RBM47: variants seen among roughly 807,000 people sequenced by gnomAD.
RBM47 encodes RNA-binding protein 47.
A neutral mutation model predicts 47.1 loss-of-function variants in RBM47; 21 were observed. That is an observed-to-expected ratio of 0.45 (90% confidence interval 0.32 to 0.64). The LOEUF (loss-of-function observed/expected upper bound fraction) is 0.64, where lower values mean the gene tolerates loss of function less well. Among genes scored for constraint, RBM47 ranks in the 30% least tolerant of loss-of-function variants. The pLI, the probability that RBM47 is intolerant of heterozygous loss-of-function variation, is 0.05. For synonymous variants in RBM47, 375 were observed against 361.7 expected, an observed-to-expected ratio of 1.04 and a Z score of -0.42; for missense variants, 708 against 870.9, an observed-to-expected ratio of 0.81 and a Z score of 2.35.
At chr4:40,571,849 T>C (rs866473597) in intron 1 of RBM47, among the ~76,000 whole-genome samples, 2 of 150,794 alleles carry the variant, frequency 1.3e-5, no homozygotes, top group African/African-American at 4.9e-5. Flanking sequence ...TGAAACCCCA[T>C]CTCTACTAAA....
intron 2 of RBM47, among the ~76,000 whole-genome samples, chr4:40,467,587 G>A (rs1030631922): frequency 7.2e-5 from 11 of 152,040 alleles, no homozygotes; most frequent in African/African-American, 1.9e-4. Flanking sequence ...CACTGTACTC[G>A]GCAGAGTCAA....
At chr4:40,469,804 T>G (rs900325532) in intron 2 of RBM47, among the ~76,000 whole-genome samples, 1 of 152,048 alleles carries the variant, frequency 6.6e-6, no homozygotes, top group South Asian at 2.1e-4. Context: ...CGTGAGACAT[T>G]TTGTATTTTT....
intron 2 of RBM47, chr4:40,542,401 C>T (rs1376659227): frequency 6.6e-6 from 1 of 152,364 alleles, no homozygotes; most frequent in African/African-American, 2.4e-5. Context: ...TGTCTCCAAT[C>T]CCCCTCTGCC....
At chr4:40,430,682 C>A (rs1715840415) in intron 6 of RBM47, among the ~76,000 whole-genome samples, 1 of 152,214 alleles carries the variant, frequency 6.6e-6, no homozygotes, top group African/African-American at 2.4e-5. Context: ...TGGAGGGTCA[C>A]AGGCCTGGCT....
At chr4:40,624,095 G>T (rs1560511847) in intron 1 of RBM47, among the ~76,000 whole-genome samples, 1 of 152,164 alleles carries the variant, frequency 6.6e-6, no homozygotes, top group Non-Finnish European at 1.5e-5. Context: ...CAAGTGATCT[G>T]CATGCCTTGG....
Position 40,498,054 on chromosome 4 carries a change from T to TTATATATATATATATATATATATATATA in RBM47, c.-154-31356_-154-31355insTATATATATATATATATATATATATATA, listed in dbSNP as rs6148409. Among the ~76,000 whole-genome samples, 822 of 109,374 alleles carry TTATATATATATATATATATATATATATA rather than the reference T, an allele frequency of 7.5e-3. 29 individuals carry two copies. The highest frequency in any genetic ancestry group is 0.011 in the Non-Finnish European group (558 of 49,320). 71.8% of individuals were successfully genotyped at this position (109,374 alleles called of 152,430 possible). On this transcript the variant is annotated intron_variant, in intron 2 of 6. Transcript: ENST00000295971. Reference sequence around the variant, plus strand: ...TGCAAATAAAATGTAAGTGCTTGTTTTATATATATATATATATATATATAT... The same window carrying TTATATATATATATATATATATATATATA: ...TGCAAATAAAATGTAAGTGCTTGTTTTATATATATATATATATATATATATATATATATATATATATATATATATATAT...
At chr4:40,502,072 T>A in intron 2 of RBM47, 1 of 154,440 alleles carries the variant, frequency 6.5e-6, no homozygotes, top group Middle Eastern at 5.2e-4. Context: ...TCCATCCATG[T>A]AGACTTGAAC....
At chr4:40,449,532 T>G (rs1715078830) in intron 3 of RBM47, among the ~76,000 whole-genome samples, 2 of 152,196 alleles carry the variant, frequency 1.3e-5, no homozygotes, top group South Asian at 4.1e-4. Flanking sequence ...AACACACACC[T>G]GAGAATGCGG....
chr4:40,581,835 G>A (rs925219361), intron 1 of RBM47, among the ~76,000 whole-genome samples: 1 of 151,366 alleles, frequency 6.6e-6, no homozygotes, highest in African/African-American at 2.4e-5. Flanking sequence ...CGGGAGCCCA[G>A]CTGTCTCCTG....
intron 2 of RBM47, among the ~76,000 whole-genome samples, chr4:40,483,293 T>C (rs1211155363): frequency 1.3e-5 from 2 of 152,214 alleles, no homozygotes; most frequent in Non-Finnish European, 1.5e-5. Flanking sequence ...CGTTCAACAA[T>C]GGCTATTGAT....
At chr4:40,486,199 C>T (rs1721070206) in intron 2 of RBM47, among the ~76,000 whole-genome samples, 1 of 150,732 alleles carries the variant, frequency 6.6e-6, no homozygotes, top group Non-Finnish European at 1.5e-5. Context: ...CCCAATCACT[C>T]TTCCTTTTTC....
At chr4:40,457,780 T>C (rs574538780) in intron 3 of RBM47, among the ~76,000 whole-genome samples, 59 of 152,124 alleles carry the variant, frequency 3.9e-4, no homozygotes, top group Non-Finnish European at 5.9e-4. Context: ...TACTATCACA[T>C]TGGGGATTAA....
At chr4:40,588,302 G>A (rs914579457) in intron 1 of RBM47, among the ~76,000 whole-genome samples, 16 of 152,176 alleles carry the variant, frequency 1.1e-4, no homozygotes, top group African/African-American at 1.2e-4. Flanking sequence ...AAAATGCAAC[G>A]CTCCTCAACC....
chr4:40,600,701 CCGGA>C (rs1222677674), intron 1 of RBM47, among the ~76,000 whole-genome samples: 1 of 150,152 alleles, frequency 6.7e-6, no homozygotes, highest in Non-Finnish European at 1.5e-5. Context: ...GATTTCAAGG[CCGGA>C]CGCAGTGGCT....
chr4:40,484,587 C>A (rs1355341325), intron 2 of RBM47, among the ~76,000 whole-genome samples: 1 of 152,202 alleles, frequency 6.6e-6, no homozygotes, highest in Non-Finnish European at 1.5e-5. Flanking sequence ...ACATTGCAGG[C>A]TTTTGATCAT....
At position 40,556,897 on chromosome 4, in the gene RBM47, T is replaced by A. The variant is rs186862670; in HGVS notation, c.-239-12391A>T. Among the ~76,000 whole-genome samples, 128 of 148,600 alleles carry A rather than the reference T, an allele frequency of 8.6e-4. 3 individuals are homozygous for A. In the South Asian group the frequency reaches 0.011, roughly 13 times the overall value. ...AGAGAGAAACCTTGTCTCAAAAAAATATATATATATACATTTACATGATGA... is the reference window on the plus strand; with the variant it reads ...AGAGAGAAACCTTGTCTCAAAAAAAAATATATATATACATTTACATGATGA... On this transcript the variant is annotated intron_variant, in intron 1 of 6. Transcript: ENST00000295971.
intron 5 of RBM47, among the ~76,000 whole-genome samples, chr4:40,434,021 G>T (rs1274811745): frequency 7.0e-6 from 1 of 143,672 alleles, no homozygotes; most frequent in Non-Finnish European, 1.5e-5. Context: ...GTGTGTGTGT[G>T]TGTGTGTGTG....
At chr4:40,435,113 C>T (rs1181564300) in intron 5 of RBM47, among the ~76,000 whole-genome samples, 2 of 152,140 alleles carry the variant, frequency 1.3e-5, no homozygotes, top group African/African-American at 4.8e-5. Context: ...CATTAATAAA[C>T]AGGTTTGTAG....
chr4:40,497,707 C>T (rs1344086051), intron 2 of RBM47, among the ~76,000 whole-genome samples: 2 of 151,006 alleles, frequency 1.3e-5, no homozygotes, highest in Admixed American at 1.3e-4. Context: ...GGCACACTGG[C>T]TCTTGCTTGC....
Sources: gnomAD v4.1 joint callset for allele counts (sites outside exome capture counted in the v4.1 genomes callset) on GRCh38, gnomAD v4.1.1 for gene constraint, MANE v1.5 for transcripts, NCBI Gene and HGNC (gene_info 2026-07-23, HGNC 2026-07-21) for gene names.